The following CCSER1 variants were observed in gnomAD, a reference collection of about 807,000 sequenced individuals.
CCSER1 encodes serine-rich coiled-coil domain-containing protein 1.
Under a neutral mutation model 82.0 loss-of-function variants are expected in CCSER1, and 41 were observed. The observed-to-expected ratio is 0.50, with a 90% CI of 0.39 to 0.65. CCSER1 has a LOEUF of 0.65. Among genes scored for constraint, CCSER1 ranks in the 30% least tolerant of loss-of-function variants. The probability of loss-of-function intolerance (pLI) is 0.00; values close to 1 mark genes in which losing one functional copy is unlikely to be tolerated. For missense variants in CCSER1, 1,119 were observed against 1,064.2 expected, an observed-to-expected ratio of 1.05 and a Z score of -0.72; for synonymous variants, 414 against 383.9, an observed-to-expected ratio of 1.08 and a Z score of -0.92.
intron 1 of CCSER1, among the ~76,000 whole-genome samples, chr4:90,233,261 G>A (rs928400682): frequency 6.6e-6 from 1 of 151,948 alleles, no homozygotes; most frequent in Non-Finnish European, 1.5e-5. Flanking sequence ...AAGAAAATGT[G>A]GCACATATAC....
intron 10 of CCSER1, among the ~76,000 whole-genome samples, chr4:91,363,357 T>TGTGTGTGTG (rs370818925): frequency 3.6e-5 from 5 of 139,612 alleles, no homozygotes; most frequent in African/African-American, 1.5e-4. Context: ...TGGAGATATT[T>TGTGTGTGTG]TGTGTGTGTG....
intron 6 of CCSER1, among the ~76,000 whole-genome samples, chr4:90,719,789 G>A (rs574731770): frequency 6.6e-6 from 1 of 152,144 alleles, no homozygotes; most frequent in South Asian, 2.1e-4. Flanking sequence ...GTGTGTGCTG[G>A]GTTTCTCCAC....
At chr4:90,272,930 G>A (rs1319567944) in intron 1 of CCSER1, among the ~76,000 whole-genome samples, 2 of 152,190 alleles carry the variant, frequency 1.3e-5, no homozygotes, top group African/African-American at 4.8e-5. Flanking sequence ...TTGAACCCAG[G>A]AGGCGGAGTT....
intron 10 of CCSER1, among the ~76,000 whole-genome samples, chr4:91,124,564 A>G (rs1253986753): frequency 6.6e-6 from 1 of 151,334 alleles, no homozygotes; most frequent in Admixed American, 6.6e-5. Flanking sequence ...TGTGTTCCCA[A>G]CTCCTCTATA....
chr4:90,453,238 G>C (rs1364197591), intron 4 of CCSER1, among the ~76,000 whole-genome samples: 1 of 152,150 alleles, frequency 6.6e-6, no homozygotes, highest in East Asian at 1.9e-4. Context: ...ATCCAGGACT[G>C]TGAACCATTT....
intron 5 of CCSER1, among the ~76,000 whole-genome samples, chr4:90,485,527 C>CG (rs1175694686): frequency 1.4e-3 from 213 of 151,344 alleles, no homozygotes; most frequent in Non-Finnish European, 2.4e-3. Context: ...CACCCCCCCC[C>CG]CCCAATTTAA....
rs117999652 is a variant in CCSER1 at position 90,553,410 on chromosome 4, A to T, written c.1725-74615A>T. Among the ~76,000 whole-genome samples the T allele has an allele frequency of 7.1e-3, 1,079 of 152,380 alleles. 15 individuals carry two copies. Among genetic ancestry groups the T allele is most frequent in the African/African-American group, 0.021 (866 of 41,588 alleles). ...TTATGAAACTCATAGTAACTTTAAG[A>T]AGAAAGAAGTAAAAGCAGAAAAACT... On this transcript the variant is annotated intron_variant, in intron 5 of 10. Coordinates refer to ENST00000509176, the MANE Select transcript of CCSER1 (RefSeq NM_001145065.2).
chr4:91,098,776 C>T (rs904824448), intron 10 of CCSER1, among the ~76,000 whole-genome samples: 10 of 152,114 alleles, frequency 6.6e-5, no homozygotes, highest in South Asian at 2.1e-4. Context: ...CTCCTGATGT[C>T]GTGATCTGCC....
At chr4:91,542,294 G>A (rs1215907712) in intron 10 of CCSER1, among the ~76,000 whole-genome samples, 1 of 152,096 alleles carries the variant, frequency 6.6e-6, no homozygotes, top group Admixed American at 6.5e-5. Context: ...TAGTCATGAA[G>A]TCCTTGTCCA....
intron 10 of CCSER1, among the ~76,000 whole-genome samples, chr4:91,315,476 A>G (rs1745770314): frequency 6.6e-6 from 1 of 152,040 alleles, no homozygotes; most frequent in Non-Finnish European, 1.5e-5. Context: ...TGAATAAGTT[A>G]TAAAATGAAA....
At chr4:91,206,279 C>A (rs1655183868) in intron 10 of CCSER1, among the ~76,000 whole-genome samples, 1 of 151,868 alleles carries the variant, frequency 6.6e-6, no homozygotes, top group Non-Finnish European at 1.5e-5. Flanking sequence ...CACATCCACC[C>A]AAGGGATTCA....
chr4:91,171,081 CT>C (rs977496774), intron 10 of CCSER1, among the ~76,000 whole-genome samples: 5 of 151,516 alleles, frequency 3.3e-5, no homozygotes, highest in African/African-American at 4.9e-5. Flanking sequence ...CTAGGACAAA[CT>C]TTTTTTTTCC....
At chr4:90,460,044 C>CAA (rs1762676924) in intron 4 of CCSER1, among the ~76,000 whole-genome samples, 6 of 151,620 alleles carry the variant, frequency 4.0e-5, no homozygotes, top group African/African-American at 1.5e-4. Context: ...AAAACTAAGG[C>CAA]GGCCGGGCGC....
At chr4:91,367,399 A>C (rs1749704223) in intron 10 of CCSER1, among the ~76,000 whole-genome samples, 1 of 148,706 alleles carries the variant, frequency 6.7e-6, no homozygotes, top group Admixed American at 6.8e-5. Flanking sequence ...GATCCATGGA[A>C]GTTTCCTGGG....
At chr4:90,545,808 T>A (rs1776685873) in intron 5 of CCSER1, among the ~76,000 whole-genome samples, 1 of 152,154 alleles carries the variant, frequency 6.6e-6, no homozygotes. Flanking sequence ...CTATTTTCCC[T>A]AAAACATAGT....
chr4:90,833,840 A>G (rs899626807), intron 8 of CCSER1, among the ~76,000 whole-genome samples: 2 of 152,146 alleles, frequency 1.3e-5, no homozygotes, highest in African/African-American at 4.8e-5. Flanking sequence ...CTTCACCCTC[A>G]AGAATGGATT....
At chr4:91,320,755 A>G (rs1408443909) in intron 10 of CCSER1, among the ~76,000 whole-genome samples, 1 of 152,152 alleles carries the variant, frequency 6.6e-6, no homozygotes, top group African/African-American at 2.4e-5. Flanking sequence ...ACCTGTTTTA[A>G]TAAAACCAGG....
intron 1 of CCSER1, among the ~76,000 whole-genome samples, chr4:90,163,191 T>G (rs1729781285): frequency 6.6e-6 from 1 of 152,150 alleles, no homozygotes; most frequent in South Asian, 2.1e-4. Flanking sequence ...ATTGTTAGTT[T>G]ATGATGCTAA....
intron 1 of CCSER1, among the ~76,000 whole-genome samples, chr4:90,205,261 G>T (rs1045286442): frequency 6.6e-6 from 1 of 152,156 alleles, no homozygotes. Context: ...GGGCATCCTT[G>T]TCTTGTGCCA....
Sources: gnomAD v4.1 joint callset for allele counts (sites outside exome capture counted in the v4.1 genomes callset) on GRCh38, gnomAD v4.1.1 for gene constraint, MANE v1.5 for transcripts, NCBI Gene and HGNC (gene_info 2026-07-23, HGNC 2026-07-21) for gene names.